The following STAU1 variants were observed in gnomAD, a reference collection of about 807,000 sequenced individuals.
The protein encoded by STAU1 is staufen double-stranded RNA binding protein 1.
A neutral mutation model predicts 62.9 loss-of-function variants in STAU1; 13 were observed. That is an observed-to-expected ratio of 0.21 (90% CI 0.13 to 0.33). The LOEUF is 0.33. Ranked by LOEUF, STAU1 falls within the 10% of genes least tolerant of loss-of-function variation. STAU1 has a pLI of 1.00. For synonymous variants in STAU1, 269 were observed against 265.1 expected (o/e 1.01, Z -0.14); for missense variants, 571 against 712.1 (o/e 0.80, Z 2.25).
chr20:49,133,813 G>A (rs546315152), intron 6 of STAU1, among the ~76,000 whole-genome samples: 2 of 152,266 alleles, frequency 1.3e-5, no homozygotes, highest in South Asian at 4.2e-4. Flanking sequence ...TACCCAGGTG[G>A]GCCACAGTAG....
At chr20:49,145,295 G>A (rs969144497) in intron 5 of STAU1, among the ~76,000 whole-genome samples, 5 of 151,320 alleles carry the variant, frequency 3.3e-5, no homozygotes, top group South Asian at 2.1e-4. Flanking sequence ...GTAGTGGCAC[G>A]CACCTGTAGT....
At chr20:49,136,224 C>A (rs2092879788) in intron 5 of STAU1, among the ~76,000 whole-genome samples, 1 of 152,132 alleles carries the variant, frequency 6.6e-6, no homozygotes, top group Non-Finnish European at 1.5e-5. Context: ...TTGCTTGAGC[C>A]CAGGAGATCG....
At chr20:49,190,638 G>A (rs139456927), upstream of STAU1, among the ~76,000 whole-genome samples, 289 of 152,164 alleles carry the variant, frequency 1.9e-3, 3 homozygotes, top group Middle Eastern at 6.8e-3. Context: ...ACCTAGATTT[G>A]TTTTCTTCTG....
At chr20:49,216,351 C>T in the STAU1 span, among the ~76,000 whole-genome samples, 1 of 151,946 alleles carries the variant, frequency 6.6e-6, no homozygotes, top group Non-Finnish European at 1.5e-5. Flanking sequence ...CATGGTGTAA[C>T]CCTATCTCTA....
At chr20:49,185,522 T>A (rs185677726) in intron 1 of STAU1, among the ~76,000 whole-genome samples, 9 of 152,346 alleles carry the variant, frequency 5.9e-5, no homozygotes, top group Admixed American at 5.2e-4. Flanking sequence ...ATGAGAACTA[T>A]TATTCTACTA....
chr20:49,153,552 CAAAA>C (rs35209552), intron 4 of STAU1, among the ~76,000 whole-genome samples: 5 of 146,154 alleles, frequency 3.4e-5, no homozygotes, highest in African/African-American at 1.3e-4. Context: ...CTAAAAAATA[CAAAA>C]AAAAATCAGC....
intron 5 of STAU1, among the ~76,000 whole-genome samples, chr20:49,150,085 G>C (rs1335110148): frequency 5.3e-5 from 8 of 152,162 alleles, no homozygotes; most frequent in South Asian, 2.1e-4. Context: ...TCTAGACTTT[G>C]TGACTCTATC....
In STAU1 at chr20:49,117,020, T is replaced by C. The variant is rs1306427325; in HGVS notation, c.1632+106A>G. ...AACGATTCATTGCTCTCAAGGTCTATGGGACAATCTTTCTCCCATCTTCCT... is the reference window on the plus strand; with the variant it reads ...AACGATTCATTGCTCTCAAGGTCTACGGGACAATCTTTCTCCCATCTTCCT... On this transcript the variant is annotated intron_variant, in intron 12 of 13. Transcript: ENST00000371856. The surrounding 1 kb of genome is among the most constrained non-coding windows in gnomAD (Gnocchi z 4.6). The C allele has an allele frequency of 7.0e-6, 10 of 1,434,956 alleles. No individual in the cohort carries two copies. The highest frequency in any genetic ancestry group is 5.2e-5 in the South Asian group (4 of 77,066). The allele number at this position is 1,434,956 out of a possible 1,614,324, so 88.9% of individuals were successfully genotyped here.
At chr20:49,118,511 C>A (rs2092385702) in intron 9 of STAU1, 103 bp from the exon 10 acceptor site, 1 of 909,252 alleles carries the variant, frequency 1.1e-6, no homozygotes, top group East Asian at 2.6e-5. Context: ...TCAGCAATAA[C>A]TGTGGCAATC....
At chr20:49,162,822 A>G (rs1457807383) in intron 3 of STAU1, among the ~76,000 whole-genome samples, 1 of 151,832 alleles carries the variant, frequency 6.6e-6, no homozygotes, top group African/African-American at 2.4e-5. Context: ...TGAGAAGACA[A>G]AGGAGGAAAC....
the STAU1 span, among the ~76,000 whole-genome samples, chr20:49,216,440 G>C: frequency 5.9e-5 from 9 of 151,790 alleles, no homozygotes; most frequent in South Asian, 1.7e-3. Context: ...AGGCACAAGA[G>C]TCGCTTGGAC....
At chr20:49,209,271 A>G in the STAU1 span, among the ~76,000 whole-genome samples, 2 of 150,602 alleles carry the variant, frequency 1.3e-5, no homozygotes, top group East Asian at 3.9e-4. Context: ...AAAAAAAGCC[A>G]TGGGACTTAC....
chr20:49,210,470 T>TC, the STAU1 span: 2 of 455,884 alleles, frequency 4.4e-6, no homozygotes, highest in Non-Finnish European at 8.8e-6. Context: ...CTTCTCTCTC[T>TC]CCTTTTTTTC....
At chr20:49,149,866 G>A (rs935815990) in intron 5 of STAU1, among the ~76,000 whole-genome samples, 1 of 152,202 alleles carries the variant, frequency 6.6e-6, no homozygotes, top group Non-Finnish European at 1.5e-5. Context: ...GGATACAACA[G>A]ACTCAGCAGG....
chr20:49,124,213 C>G (rs1028884371), intron 7 of STAU1, among the ~76,000 whole-genome samples, 162 bp downstream of exon 7: 2 of 152,204 alleles, frequency 1.3e-5, no homozygotes, highest in African/African-American at 4.8e-5. Context: ...CCTTATCTTA[C>G]CTAACAGGTG....
chr20:49,152,874 A>G (rs2146245823), intron 4 of STAU1, among the ~76,000 whole-genome samples: 1 of 152,170 alleles, frequency 6.6e-6, no homozygotes, highest in Non-Finnish European at 1.5e-5. Context: ...TACAAGGGTT[A>G]TCTTTAGCCA....
the STAU1 span, among the ~76,000 whole-genome samples, chr20:49,213,151 G>A: frequency 1.8e-4 from 27 of 151,992 alleles, no homozygotes; most frequent in African/African-American, 5.1e-4. Context: ...GATTATAGGC[G>A]CACACTACCA....
rs372415760 is a variant in STAU1, at chr20:49,135,803, T to C, written c.609+30A>G. 2.6e-6 allele frequency: 4 copies of C among 1,546,450 alleles called. No homozygotes were observed. In the African/African-American group the frequency reaches 5.5e-5, roughly 21 times the overall value. ...GATGAATGCTAACAGGATTTTAGAA[T>C]ACAAAGTCCTACATGTAAAATTAGC... On this transcript the variant is annotated intron_variant, in intron 6 of 13. Coordinates refer to ENST00000371856, the MANE Select transcript of STAU1 (RefSeq NM_017453.4).
At chr20:49,115,301 G>GT (rs893795269) in intron 13 of STAU1, among the ~76,000 whole-genome samples, 4 of 151,896 alleles carry the variant, frequency 2.6e-5, no homozygotes, top group Non-Finnish European at 1.5e-5. Flanking sequence ...ACTCAAAAAG[G>GT]TTTTTTTGTT....
Sources: gnomAD v4.1 joint callset for allele counts (sites outside exome capture counted in the v4.1 genomes callset) on GRCh38, gnomAD v4.1.1 for gene constraint, Gnocchi (gnomAD v3.1) non-coding constraint, MANE v1.5 for transcripts, NCBI Gene and HGNC (gene_info 2026-07-23, HGNC 2026-07-21) for gene names.